GRM8: variants seen among roughly 807,000 people sequenced by gnomAD.
GRM8 encodes the protein metabotropic glutamate receptor 8.
A neutral mutation model predicts 87.2 loss-of-function variants in GRM8; 47 were observed. The observed-to-expected ratio is 0.54, with a 90% confidence interval of 0.43 to 0.69. The LOEUF (loss-of-function observed/expected upper bound fraction) is 0.69. Among genes scored for constraint, GRM8 ranks in the 30% least tolerant of loss-of-function variants. The pLI is 0.00. For synonymous variants in GRM8, 396 were observed against 404.5 expected (o/e 0.98, Z 0.25); for missense variants, 1,019 against 1,139.2 (o/e 0.89, Z 1.52).
At chr7:127,247,533 G>A (rs576772270) in intron 1 of GRM8, among the ~76,000 whole-genome samples, 3 of 151,878 alleles carry the variant, frequency 2.0e-5, no homozygotes, top group East Asian at 1.9e-4. Context: ...AAAATGCATC[G>A]TATTTCTGTA....
chr7:126,749,711 C>T (rs1047100588), intron 7 of GRM8, among the ~76,000 whole-genome samples: 7 of 151,854 alleles, frequency 4.6e-5, no homozygotes, highest in Non-Finnish European at 7.4e-5. Flanking sequence ...ATAGGAATGG[C>T]TAATAAGCTT....
intron 3 of GRM8, among the ~76,000 whole-genome samples, chr7:126,970,196 A>G (rs186059616): frequency 9.8e-5 from 15 of 152,324 alleles, no homozygotes; most frequent in African/African-American, 3.1e-4. Flanking sequence ...CATCAGCTGC[A>G]CTAGCACCTA....
chr7:126,453,070 A>AACACACAAAC (rs1318650877), intron 9 of GRM8, among the ~76,000 whole-genome samples: 153 of 146,044 alleles, frequency 1.0e-3, no homozygotes, highest in Non-Finnish European at 1.7e-3. Context: ...TTATAGCAGA[A>AACACACAAAC]ACACACACAC....
chr7:126,972,001 T>C (rs1018086767), intron 3 of GRM8, among the ~76,000 whole-genome samples: 1 of 152,178 alleles, frequency 6.6e-6, no homozygotes, highest in African/African-American at 2.4e-5. Flanking sequence ...GTGTGCACAA[T>C]TCCGTGGAGG....
At position 127,158,727 on chromosome 7, in the gene GRM8, T is replaced by C. The variant is rs569438040; in HGVS notation, c.511-52015A>G. ...TCCCAAAGGCCCCGCCTCTTAATAC[T>C]ATTTCATCAGGTATTAGGTTCTAAC... On this transcript the variant is annotated intron_variant, in intron 2 of 10. Transcript: ENST00000339582. 2.0e-5 allele frequency among the ~76,000 whole-genome samples: 3 copies of C among 152,130 alleles called. No individual in the cohort carries two copies. In the South Asian group the frequency reaches 6.2e-4, roughly 32 times the overall value.
At chr7:126,609,136 G>A (rs2073862) in intron 8 of GRM8, among the ~76,000 whole-genome samples, 48,656 of 151,896 alleles carry the variant, frequency 0.32, 8,425 homozygotes, top group East Asian at 0.43. Context: ...TCAACTGCAG[G>A]AAAAAAATCA....
chr7:127,139,983 C>T (rs532582543), intron 2 of GRM8, among the ~76,000 whole-genome samples: 1 of 152,236 alleles, frequency 6.6e-6, no homozygotes, highest in South Asian at 2.1e-4. Context: ...CCCCACTATG[C>T]TTGCTGGCTG....
intron 7 of GRM8, among the ~76,000 whole-genome samples, chr7:126,692,780 GT>G (rs1808964721): frequency 6.6e-6 from 1 of 152,124 alleles, no homozygotes. Context: ...TTCAGTTAAG[GT>G]TTAGTTTAAC....
chr7:127,123,199 T>A (rs1406657628), intron 2 of GRM8, among the ~76,000 whole-genome samples: 1 of 152,102 alleles, frequency 6.6e-6, no homozygotes, highest in East Asian at 1.9e-4. Context: ...CTGAGTCCCT[T>A]CAAAACTAGT....
intron 6 of GRM8, among the ~76,000 whole-genome samples, chr7:126,893,218 T>C (rs1462140675): frequency 6.6e-6 from 1 of 151,930 alleles, no homozygotes; most frequent in African/African-American, 2.4e-5. Context: ...AGTAATCAAA[T>C]ATTCCAATTA....
chr7:126,736,069 C>T (rs1356079320), intron 7 of GRM8, among the ~76,000 whole-genome samples: 1 of 152,012 alleles, frequency 6.6e-6, no homozygotes, highest in Non-Finnish European at 1.5e-5. Flanking sequence ...GTACAAAAGA[C>T]TCATGGCTCA....
chr7:126,594,240 A>G (rs774258799), intron 8 of GRM8, among the ~76,000 whole-genome samples: 1 of 152,090 alleles, frequency 6.6e-6, no homozygotes, highest in Non-Finnish European at 1.5e-5. Context: ...TACTCGATAT[A>G]TATCCAGGGG....
At chr7:126,613,579 C>A (rs1212575145) in intron 7 of GRM8, among the ~76,000 whole-genome samples, 1 of 152,214 alleles carries the variant, frequency 6.6e-6, no homozygotes, top group East Asian at 1.9e-4. Context: ...CAGGGCGAGG[C>A]ATCGCCTCAC....
intron 3 of GRM8, chr7:127,058,221 G>T: frequency 2.1e-6 from 1 of 473,416 alleles, no homozygotes. Context: ...CCCACAGCCT[G>T]GCCCCAGGAA....
At chr7:127,041,622 C>T (rs1231134496) in intron 3 of GRM8, among the ~76,000 whole-genome samples, 1 of 152,178 alleles carries the variant, frequency 6.6e-6, no homozygotes, top group African/African-American at 2.4e-5. Flanking sequence ...CAAAAGTTCT[C>T]TACAGGAATA....
chr7:127,125,086 G>A (rs2133198343), intron 2 of GRM8, among the ~76,000 whole-genome samples: 1 of 152,164 alleles, frequency 6.6e-6, no homozygotes, highest in Non-Finnish European at 1.5e-5. Flanking sequence ...TCCCCTAAGA[G>A]TCTGCAAGAC....
rs529660263 is a variant in GRM8, at chr7:126,825,642, G to GA, written c.1157-55578dup. ...TGGGTAAAATAAGATAACCTACCAA[G>GA]AAAAAAAGTTGTAACTTCAATTGAC... On this transcript the variant is annotated intron_variant, in intron 6 of 10. Coordinates refer to ENST00000339582, the MANE Select transcript of GRM8 (RefSeq NM_000845.3). Among the ~76,000 whole-genome samples, 102 of 151,860 alleles carry GA rather than the reference G, an allele frequency of 6.7e-4. 1 individual carries two copies. Among genetic ancestry groups the GA allele is most frequent in the Middle Eastern group, 3.4e-3 (1 of 290 alleles).
intron 7 of GRM8, among the ~76,000 whole-genome samples, chr7:126,769,225 C>G (rs533965332): frequency 2.6e-5 from 4 of 152,054 alleles, no homozygotes; most frequent in Non-Finnish European, 5.9e-5. Flanking sequence ...TTCAGACAGG[C>G]AGTTGGGCTA....
chr7:126,692,509 C>G (rs1035646508), intron 7 of GRM8, among the ~76,000 whole-genome samples: 3 of 152,170 alleles, frequency 2.0e-5, no homozygotes, highest in Non-Finnish European at 2.9e-5. Context: ...AGGGGACTAT[C>G]TTCAGGACAT....
Sources: gnomAD v4.1 joint callset for allele counts (sites outside exome capture counted in the v4.1 genomes callset) on GRCh38, gnomAD v4.1.1 for gene constraint, MANE v1.5 for transcripts, NCBI Gene and HGNC (gene_info 2026-07-23, HGNC 2026-07-21) for gene names.